PDLIM5: variants seen among roughly 807,000 people sequenced by gnomAD.
PDLIM5 encodes PDZ and LIM domain 5.
In PDLIM5, 34 loss-of-function variants were observed where a neutral mutation model predicts 64.2. The observed-to-expected ratio is 0.53, with a 90% CI of 0.40 to 0.71. PDLIM5 has a LOEUF of 0.71. Among genes scored for constraint, PDLIM5 ranks in the 30% least tolerant of loss-of-function variants. PDLIM5 has a pLI of 0.00. For synonymous variants in PDLIM5, 253 were observed against 269.1 expected (o/e 0.94, Z 0.59); for missense variants, 683 against 733.6 (o/e 0.93, Z 0.80).
At position 94,607,669 on chromosome 4, in the gene PDLIM5, G is replaced by T. The variant is rs138898527; in HGVS notation, c.921-10335G>T. Among the ~76,000 whole-genome samples, 731 of 152,244 alleles carry T rather than the reference G, an allele frequency of 4.8e-3. 2 individuals carry two copies. Among genetic ancestry groups the T allele is most frequent in the African/African-American group, 0.016 (681 of 41,538 alleles). ...AACATTATATAGTGGAAATAATACA[G>T]GCAGACCTGGTCCAAATTCCACCTG... On this transcript the variant is annotated intron_variant, in intron 7 of 12. Transcript: ENST00000317968.
At position 94,657,494 on chromosome 4, in the gene PDLIM5, C is replaced by T. The variant is rs1433859797; in HGVS notation, c.1532C>T (p.Pro511Leu). ...TTTGTGTGTGTAGCCTGTGGAAAGC[C>T]CATTCGGAACAATGTTTTTCACTTG... ...SCFVCVACGK[P>L]IRNNVFHLED... Residue 511 changes from proline to leucine, a missense_variant, in exon 11 of 13, where the codon CCC (proline) becomes CTC (leucine). Pro to Leu is a moderately conservative substitution (Grantham distance 98). Transcript: ENST00000317968. The T allele has an allele frequency of 2.5e-6, 4 of 1,608,854 alleles. No homozygotes were observed. Among genetic ancestry groups the T allele is most frequent in the Non-Finnish European group, 3.4e-6 (4 of 1,175,462 alleles).
chr4:94,496,432 A>G (rs1041608452), intron 2 of PDLIM5, among the ~76,000 whole-genome samples: 1 of 152,190 alleles, frequency 6.6e-6, no homozygotes, highest in Non-Finnish European at 1.5e-5. Context: ...CCAACAGACT[A>G]ATGCCCAGGA....
chr4:94,540,874 G>T (rs1731747319), intron 3 of PDLIM5, among the ~76,000 whole-genome samples: 1 of 152,100 alleles, frequency 6.6e-6, no homozygotes, highest in African/African-American at 2.4e-5. Context: ...ATTAATTGTT[G>T]TGCAGTTACA....
rs564919684 is a variant in PDLIM5, at chr4:94,554,473, T to C, written c.249-18878T>C. Among the ~76,000 whole-genome samples, 9 of 152,312 alleles carry C rather than the reference T, an allele frequency of 5.9e-5. No individual in the cohort carries two copies. The East Asian group carries it at 1.7e-3, about 29-fold the overall frequency. On this transcript the variant is annotated intron_variant, in intron 3 of 12. Transcript: ENST00000317968. Reference sequence around the variant, plus strand: ...TTATATATGTATATACATTCGTACGTACATACGTTCATACATATATATAAA... The same window carrying C: ...TTATATATGTATATACATTCGTACGCACATACGTTCATACATATATATAAA...
intron 9 of PDLIM5, among the ~76,000 whole-genome samples, chr4:94,647,998 T>C (rs1206546663): frequency 6.6e-6 from 1 of 152,194 alleles, no homozygotes; most frequent in East Asian, 1.9e-4. Context: ...CAAAACTTAT[T>C]GAATGCAGCT....
chr4:94,564,365 C>T (rs1734108364), intron 3 of PDLIM5, among the ~76,000 whole-genome samples: 1 of 152,214 alleles, frequency 6.6e-6, no homozygotes, highest in African/African-American at 2.4e-5. Context: ...AGCTTTATCT[C>T]TCACTGCTTT....
At chr4:94,479,494 A>AT (rs1257955048) in intron 2 of PDLIM5, among the ~76,000 whole-genome samples, 1,709 of 150,510 alleles carry the variant, frequency 0.011, 37 homozygotes, top group African/African-American at 0.039. Flanking sequence ...TGCCCGGCTG[A>AT]TTTTTATTTT....
chr4:94,567,822 A>G (rs1396111395), intron 3 of PDLIM5, among the ~76,000 whole-genome samples: 4 of 152,192 alleles, frequency 2.6e-5, no homozygotes, highest in Non-Finnish European at 5.9e-5. Context: ...TAGTCCAATA[A>G]TATTAAATCT....
At chr4:94,460,921 C>G in intron 2 of PDLIM5, among the ~76,000 whole-genome samples, 1 of 152,124 alleles carries the variant, frequency 6.6e-6, no homozygotes, top group East Asian at 1.9e-4. Context: ...TGTGAGCTTT[C>G]AATTTTTTTT....
chr4:94,553,535 T>C (rs1217286582), intron 3 of PDLIM5, among the ~76,000 whole-genome samples: 1 of 152,218 alleles, frequency 6.6e-6, no homozygotes, highest in African/African-American at 2.4e-5. Flanking sequence ...TTCATTCTTA[T>C]GGCAATGTAA....
At chr4:94,504,076 T>C (rs1396100332) in intron 2 of PDLIM5, among the ~76,000 whole-genome samples, 1 of 152,186 alleles carries the variant, frequency 6.6e-6, no homozygotes, top group Admixed American at 6.6e-5. Flanking sequence ...CATTTACTAG[T>C]GTTATCACAG....
At chr4:94,569,280 C>A (rs1484928096) in intron 3 of PDLIM5, among the ~76,000 whole-genome samples, 2 of 152,282 alleles carry the variant, frequency 1.3e-5, no homozygotes, top group Middle Eastern at 3.4e-3. Context: ...CCACTCCAAA[C>A]TGGATGAATG....
intron 10 of PDLIM5, chr4:94,656,719 C>T (rs903899508): frequency 6.6e-6 from 1 of 151,346 alleles, no homozygotes; most frequent in Non-Finnish European, 1.5e-5. Context: ...ATTGCAAGTT[C>T]CACCTCACGA....
intron 7 of PDLIM5, among the ~76,000 whole-genome samples, chr4:94,606,840 G>A (rs1737967017): frequency 6.6e-6 from 1 of 152,172 alleles, no homozygotes; most frequent in Non-Finnish European, 1.5e-5. Flanking sequence ...AATGAACCTG[G>A]CTATGTTCCA....
Position 94,575,775 on chromosome 4 carries a change from A to G in PDLIM5, c.451A>G (p.Thr151Ala). 1 of 1,613,746 alleles carries G rather than the reference A, an allele frequency of 6.2e-7. No homozygotes were observed. Among genetic ancestry groups the G allele is most frequent in the Non-Finnish European group, 8.5e-7 (1 of 1,179,910 alleles). The change falls in exon 5 of 13, where the codon ACC becomes GCC. Residue 151 changes from threonine to alanine, a missense_variant. Physicochemically the swap from Thr to Ala is moderately conservative, Grantham distance 58. Transcript: ENST00000317968. ...TSIPSPSSAF[T>A]PAHATTSSHA... ...CATCCCATCACCATCGTCTGCCTTC[A>G]CCCCAGCCCATGCGACCACCTCATC...
intron 3 of PDLIM5, among the ~76,000 whole-genome samples, chr4:94,542,573 G>A (rs190302635): frequency 2.3e-4 from 35 of 152,244 alleles, no homozygotes; most frequent in East Asian, 1.5e-3. Context: ...TGGACTGCTC[G>A]AGTGGCTAAA....
chr4:94,627,135 C>A (rs2110422931), intron 8 of PDLIM5, among the ~76,000 whole-genome samples: 1 of 152,338 alleles, frequency 6.6e-6, no homozygotes, highest in Non-Finnish European at 1.5e-5. Flanking sequence ...TGCTCCCCTG[C>A]ATTTTGACAT....
intron 2 of PDLIM5, among the ~76,000 whole-genome samples, chr4:94,473,784 T>C (rs775598267): frequency 1.3e-5 from 2 of 152,202 alleles, no homozygotes; most frequent in Non-Finnish European, 1.5e-5. Flanking sequence ...TTATTAATAG[T>C]ATTTGAAGTT....
rs530235416 is a variant in PDLIM5, at chr4:94,483,590, A to G, written c.96+28206A>G. Reference sequence around the variant, plus strand: ...TCTTCTGTAGTACTTTATTTCTTGCAGTTTTATGTTAAAGAAACTTGGTCA... The same window carrying G: ...TCTTCTGTAGTACTTTATTTCTTGCGGTTTTATGTTAAAGAAACTTGGTCA... On this transcript the variant is annotated intron_variant, in intron 2 of 12. Coordinates refer to ENST00000317968, the MANE Select transcript of PDLIM5 (RefSeq NM_006457.5). Among the ~76,000 whole-genome samples the G allele has an allele frequency of 7.9e-5, 12 of 152,212 alleles. No homozygotes were observed. The East Asian group carries it at 2.3e-3, about 29-fold the overall frequency.
Sources: gnomAD v4.1 joint callset for allele counts (sites outside exome capture counted in the v4.1 genomes callset) on GRCh38, gnomAD v4.1.1 for gene constraint, MANE v1.5 for transcripts, NCBI Gene and HGNC (gene_info 2026-07-23, HGNC 2026-07-21) for gene names.